The following IYD variants were observed in gnomAD, a reference collection of about 807,000 sequenced individuals.
IYD encodes the protein iodotyrosine deiodinase 1.
A neutral mutation model predicts 28.4 loss-of-function variants in IYD; 25 were observed. The ratio of observed to expected loss-of-function variants is 0.88; its 90% CI spans 0.64 to 1.23. The LOEUF (loss-of-function observed/expected upper bound fraction) is 1.23. IYD is among the 50% of genes most tolerant of loss of function. The pLI, the probability that IYD is intolerant of heterozygous loss-of-function variation, is 0.00. For missense variants in IYD, 352 were observed against 357.9 expected (o/e 0.98, Z 0.13); for synonymous variants, 140 against 130.8 (o/e 1.07, Z -0.48).
At position 150,389,235 on chromosome 6, in the gene IYD, A is replaced by T. The variant is rs1778017876; in HGVS notation, c.179-117A>T. The T allele has an allele frequency of 1.4e-5, 10 of 714,672 alleles. No homozygotes were observed. In the Admixed American group the frequency reaches 1.4e-4, roughly 10 times the overall value. 44.3% of individuals were successfully genotyped at this position (714,672 alleles called of 1,614,324 possible). A position where few individuals can be genotyped will look rare whatever the true frequency, so the allele number is the denominator to read the frequency against. On this transcript the variant is annotated intron_variant, in intron 1 of 4. Transcript: ENST00000344419. The stretch of plus-strand genomic sequence containing the variant: ...TAAATCTATTCTTTTTTCATTTTAT[A>T]GTATTTTTTTGAGTTCATAACCTTA...
intron 2 of IYD, among the ~76,000 whole-genome samples, chr6:150,390,598 A>G (rs576577745): frequency 1.5e-4 from 23 of 152,252 alleles, no homozygotes; most frequent in African/African-American, 5.1e-4. Flanking sequence ...AACCCCACCA[A>G]GAGTCTGCAG....
At chr6:150,376,306 G>C (rs9384466) in intron 1 of IYD, among the ~76,000 whole-genome samples, 1 of 151,984 alleles carries the variant, frequency 6.6e-6, no homozygotes, top group African/African-American at 2.4e-5. Flanking sequence ...AAGGCATACA[G>C]ATTTATTTAA....
chr6:150,376,777 CA>C (rs1777459030), intron 1 of IYD, among the ~76,000 whole-genome samples: 1 of 152,056 alleles, frequency 6.6e-6, no homozygotes, highest in East Asian at 1.9e-4. Flanking sequence ...AGGCACACAC[CA>C]CCATGCCTAA....
chr6:150,394,873 G>A (rs581695), intron 4 of IYD, among the ~76,000 whole-genome samples: 113,355 of 152,006 alleles, frequency 0.75, 43,347 homozygotes, highest in Non-Finnish European at 0.85. Context: ...GTGTCACTCA[G>A]GCTGGAGTGC....
Position 150,394,240 on chromosome 6 carries a change from G to A in IYD, c.672G>A (p.Leu224=). ...EISVSIACGI[L]LAALQNAGLV... ...GTGTTTCCATCGCTTGTGGCATCCT[G>A]CTAGCTGCCCTGCAGGTATGTTGAG... The change falls in exon 4 of 5, where the codon CTG becomes CTA. Residue 224 remains leucine (L), a synonymous_variant. Coordinates refer to ENST00000344419, the MANE Select transcript of IYD (RefSeq NM_203395.3). The A allele has an allele frequency of 1.2e-6, 2 of 1,614,180 alleles. No homozygotes were observed. The highest frequency in any genetic ancestry group is 1.3e-5 in the African/African-American group (1 of 75,040).
chr6:150,380,178 A>C (rs1350328915), intron 1 of IYD, among the ~76,000 whole-genome samples: 1 of 152,172 alleles, frequency 6.6e-6, no homozygotes, highest in African/African-American at 2.4e-5. Context: ...AACTTTACCA[A>C]ATGTAATTTG....
intron 1 of IYD, among the ~76,000 whole-genome samples, chr6:150,373,996 C>G (rs930115770): frequency 1.3e-5 from 2 of 152,172 alleles, no homozygotes; most frequent in Non-Finnish European, 2.9e-5. Flanking sequence ...TTCTTGAGAT[C>G]AAGTCTGGGT....
At chr6:150,370,308 A>G (rs113260974) in intron 1 of IYD, among the ~76,000 whole-genome samples, 1 of 149,030 alleles carries the variant, frequency 6.7e-6, no homozygotes, top group Non-Finnish European at 1.5e-5. Context: ...TGTGTGCATG[A>G]GTGTGTGTGC....
In IYD at chr6:150,392,646, C is replaced by T. The variant is rs2076292; in HGVS notation, c.530+142C>T. 0.09 allele frequency: 75,658 copies of T among 840,904 alleles called. 8,213 individuals carry two copies. Among genetic ancestry groups the T allele is most frequent in the African/African-American group, 0.37 (22,069 of 59,378 alleles). 52.1% of individuals were successfully genotyped at this position (840,904 alleles called of 1,614,324 possible). A position where few individuals can be genotyped will look rare whatever the true frequency, so the allele number is the denominator to read the frequency against. On this transcript the variant is annotated intron_variant, in intron 3 of 4. Transcript: ENST00000344419. ...TTGGAGGAATTACGGAAGTTAAGTC[C>T]GGGCTCACTCCTGTATTGCCATGTG...
intron 1 of IYD, among the ~76,000 whole-genome samples, chr6:150,385,703 C>G (rs1777837838): frequency 6.6e-6 from 1 of 151,826 alleles, no homozygotes; most frequent in Admixed American, 6.6e-5. Context: ...AGGTTGTGGT[C>G]ATTCCATAAA....
chr6:150,395,653 T>G (rs1166068792), intron 4 of IYD: 1 of 1,089,642 alleles, frequency 9.2e-7, no homozygotes, highest in African/African-American at 1.6e-5. Flanking sequence ...GAGAGTAGGT[T>G]ATGATTAGTG....
intron 1 of IYD, among the ~76,000 whole-genome samples, chr6:150,386,603 A>G (rs1423976982): frequency 6.6e-6 from 1 of 152,028 alleles, no homozygotes; most frequent in African/African-American, 2.4e-5. Flanking sequence ...TGCTTATTCT[A>G]TCATTACCGA....
chr6:150,402,087 T>C lies in IYD; in HGVS notation c.*3850T>C, dbSNP rs1477819136. The C allele has an allele frequency of 6.6e-6, 1 of 152,192 alleles. No homozygotes were observed. The highest frequency in any genetic ancestry group is 1.5e-5 in the Non-Finnish European group (1 of 68,030). The allele number at this position is 152,192 out of a possible 1,614,324, so 9.4% of individuals were successfully genotyped here. On this transcript the variant is annotated 3_prime_UTR_variant, in exon 5 of 5. Transcript: ENST00000344419. ...ATTGGGTACCACATTTTGAGAACCA[T>C]GGGGCATTGGCAATCAACAAATGCA... is the stretch of plus-strand genomic sequence containing the variant.
At position 150,404,630 on chromosome 6, in the gene IYD, C is replaced by G. The variant is rs571429874; in HGVS notation, c.*6393C>G. ...TAATAAACAAAGCCTATAACTAAGA[C>G]TGATGCTTTAAGGGAGTTTGGCTTA... On this transcript the variant is annotated 3_prime_UTR_variant, in exon 5 of 5. Coordinates refer to ENST00000344419, the MANE Select transcript of IYD (RefSeq NM_203395.3). 6.6e-6 allele frequency: 1 copy of G among 152,194 alleles called. No individual in the cohort carries two copies. The highest frequency in any genetic ancestry group is 2.4e-5 in the African/African-American group (1 of 41,460). 9.4% of individuals were successfully genotyped at this position (152,194 alleles called of 1,614,324 possible).
In IYD at chr6:150,396,423, A is replaced by G. The variant is rs1442211994; in HGVS notation, c.688-1632A>G. 6 of 671,266 alleles carry G rather than the reference A, an allele frequency of 8.9e-6. No homozygotes were observed. In the South Asian group the frequency reaches 9.9e-5, roughly 11 times the overall value. 41.6% of individuals were successfully genotyped at this position (671,266 alleles called of 1,614,324 possible). ...TAATAATAGAAGTCAACTTAACATTAATAATATTAATAAGAGGAATTGTTT... is the reference window on the plus strand; with the variant it reads ...TAATAATAGAAGTCAACTTAACATTGATAATATTAATAAGAGGAATTGTTT... On this transcript the variant is annotated intron_variant, in intron 4 of 4. Coordinates refer to ENST00000344419, the MANE Select transcript of IYD (RefSeq NM_203395.3).
chr6:150,384,142 C>A (rs1007356534), intron 1 of IYD, among the ~76,000 whole-genome samples: 1 of 152,132 alleles, frequency 6.6e-6, no homozygotes, highest in Non-Finnish European at 1.5e-5. Context: ...AAAGTGAGTG[C>A]TGAGCATTTT....
At chr6:150,396,395 AAAT>A (rs1399706886) in intron 4 of IYD, 2 of 641,256 alleles carry the variant, frequency 3.1e-6, no homozygotes, top group Non-Finnish European at 5.5e-6. Flanking sequence ...GTGAAAGATA[AAAT>A]AATAATAGAA....
intron 1 of IYD, among the ~76,000 whole-genome samples, chr6:150,379,851 C>T (rs141867640): frequency 6.6e-6 from 1 of 152,304 alleles, no homozygotes; most frequent in East Asian, 1.9e-4. Flanking sequence ...ATTACTCCTA[C>T]ACCTCCCATC....
intron 1 of IYD, among the ~76,000 whole-genome samples, chr6:150,371,590 G>A (rs989645689): frequency 3.3e-5 from 5 of 152,182 alleles, no homozygotes; most frequent in Admixed American, 6.5e-5. Flanking sequence ...GAACTGGAGG[G>A]CCTTTCTCTG....
Sources: allele counts gnomAD v4.1 joint callset (sites outside exome capture counted in the v4.1 genomes callset), GRCh38; gene constraint gnomAD v4.1.1; transcripts MANE v1.5; gene names NCBI Gene and HGNC (gene_info 2026-07-23, HGNC 2026-07-21).